C1QTNF3: variants seen among roughly 807,000 people sequenced by gnomAD.
C1QTNF3 encodes C1q and TNF related 3, also known as complement C1q tumor necrosis factor-related protein 3.
A neutral mutation model predicts 32.6 loss-of-function variants in C1QTNF3; 26 were observed. The observed-to-expected ratio is 0.80, with a 90% CI of 0.58 to 1.11. The LOEUF (loss-of-function observed/expected upper bound fraction) is 1.11. C1QTNF3 is among the 50% of genes least tolerant of loss of function. The pLI is 0.00. For synonymous variants in C1QTNF3, 155 were observed against 146.0 expected, an observed-to-expected ratio of 1.06 and a Z score of -0.44; for missense variants, 362 against 398.2, an observed-to-expected ratio of 0.91 and a Z score of 0.77.
At chr5:34,120,665 TTA>T in the C1QTNF3 span, among the ~76,000 whole-genome samples, 1 of 152,104 alleles carries the variant, frequency 6.6e-6, no homozygotes, top group African/African-American at 2.4e-5. Context: ...TCTGATGGTT[TTA>T]TAAAGAGGTG....
chr5:34,149,610 T>A, the C1QTNF3 span, among the ~76,000 whole-genome samples: 1 of 3,074 alleles, frequency 3.3e-4, no homozygotes, highest in Non-Finnish European at 5.1e-4. Context: ...CAAACTAAGC[T>A]TCATGAGTGA....
At chr5:34,219,708 A>G in the C1QTNF3 span, among the ~76,000 whole-genome samples, 1 of 152,152 alleles carries the variant, frequency 6.6e-6, no homozygotes, top group African/African-American at 2.4e-5. Flanking sequence ...TTTAACCAAT[A>G]TTTTGATAAA....
the C1QTNF3 span, among the ~76,000 whole-genome samples, chr5:34,147,965 G>A: frequency 6.6e-6 from 1 of 152,096 alleles, no homozygotes; most frequent in African/African-American, 2.4e-5. Flanking sequence ...TCACTAGGGA[G>A]TGCCAGACAG....
the C1QTNF3 span, among the ~76,000 whole-genome samples, chr5:34,211,247 T>A: frequency 1.3e-5 from 2 of 151,856 alleles, no homozygotes; most frequent in Admixed American, 6.6e-5. Flanking sequence ...CATATTCCCA[T>A]TGCTTAGTTT....
the C1QTNF3 span, among the ~76,000 whole-genome samples, chr5:34,083,480 T>C: frequency 6.8e-6 from 1 of 147,222 alleles, no homozygotes; most frequent in Non-Finnish European, 1.5e-5. Flanking sequence ...GTTTGTAATC[T>C]TACCTTGATT....
At chr5:34,052,741 T>A in the C1QTNF3 span, among the ~76,000 whole-genome samples, 10 of 152,318 alleles carry the variant, frequency 6.6e-5, no homozygotes, top group Non-Finnish European at 8.8e-5. Flanking sequence ...TTATTACAGC[T>A]CAGGGATTGG....
the C1QTNF3 span, among the ~76,000 whole-genome samples, chr5:34,236,181 A>G: frequency 3.3e-5 from 5 of 152,200 alleles, no homozygotes; most frequent in Non-Finnish European, 7.3e-5. Context: ...GTATATAAGA[A>G]TGAGAAATAT....
the C1QTNF3 span, among the ~76,000 whole-genome samples, chr5:34,162,119 G>A: frequency 6.6e-6 from 1 of 152,050 alleles, no homozygotes; most frequent in African/African-American, 2.4e-5. Context: ...TAGGGACTTA[G>A]TTCATTTTAT....
intron 3 of C1QTNF3, among the ~76,000 whole-genome samples, chr5:34,029,491 TG>T: frequency 6.6e-6 from 1 of 152,304 alleles, no homozygotes; most frequent in Non-Finnish European, 1.5e-5. Flanking sequence ...GAATTCTTGA[TG>T]CTGATCTAAA....
chr5:34,089,399 G>T, the C1QTNF3 span, among the ~76,000 whole-genome samples: 1 of 152,260 alleles, frequency 6.6e-6, no homozygotes, highest in East Asian at 1.9e-4. Flanking sequence ...CCTTTGAGAA[G>T]TGATTAGGTC....
the C1QTNF3 span, among the ~76,000 whole-genome samples, chr5:34,157,712 T>G: frequency 1.3e-5 from 2 of 152,202 alleles, no homozygotes; most frequent in Non-Finnish European, 2.9e-5. Context: ...GGAATGTCGA[T>G]AGCCTCTAGA....
the C1QTNF3 span, among the ~76,000 whole-genome samples, chr5:34,213,386 A>T: frequency 6.6e-6 from 1 of 152,096 alleles, no homozygotes; most frequent in Non-Finnish European, 1.5e-5. Context: ...TTTGTTGAGA[A>T]AAATCTGCAC....
At chr5:34,096,832 C>A in the C1QTNF3 span, among the ~76,000 whole-genome samples, 1 of 151,238 alleles carries the variant, frequency 6.6e-6, no homozygotes, top group East Asian at 1.9e-4. Context: ...GAACAAATAC[C>A]ACTCTTTGTT....
At chr5:34,034,529 T>C (rs560604596) in intron 2 of C1QTNF3, among the ~76,000 whole-genome samples, 1 of 152,390 alleles carries the variant, frequency 6.6e-6, no homozygotes, top group East Asian at 1.9e-4. Context: ...TAATATTTGC[T>C]AAATTTCAGG....
At chr5:34,078,544 T>C in the C1QTNF3 span, among the ~76,000 whole-genome samples, 1 of 151,556 alleles carries the variant, frequency 6.6e-6, no homozygotes, top group Non-Finnish European at 1.5e-5. The surrounding 1 kb of genome is among the most constrained non-coding windows in gnomAD (Gnocchi z 4.0). Context: ...GAGAATAGCA[T>C]GGGAGAAACC....
At chr5:34,139,179 T>C in the C1QTNF3 span, among the ~76,000 whole-genome samples, 2 of 151,956 alleles carry the variant, frequency 1.3e-5, no homozygotes, top group South Asian at 4.1e-4. Flanking sequence ...AATATGTGTG[T>C]ATATATACAC....
chr5:34,157,374 A>G, the C1QTNF3 span, among the ~76,000 whole-genome samples: 30 of 152,306 alleles, frequency 2.0e-4, no homozygotes, highest in Admixed American at 1.7e-3. Context: ...CAAAATCATT[A>G]TTGAGAAAGA....
chr5:34,160,541 C>A, the C1QTNF3 span, among the ~76,000 whole-genome samples: 1 of 152,100 alleles, frequency 6.6e-6, no homozygotes, highest in South Asian at 2.1e-4. Flanking sequence ...ACTGGGCTCC[C>A]TAAATTATAA....
the C1QTNF3 span, among the ~76,000 whole-genome samples, chr5:34,083,791 A>G: frequency 6.6e-6 from 1 of 151,796 alleles, no homozygotes. Context: ...GCATTATTTC[A>G]TTTACAATCA....
Sources: allele counts gnomAD v4.1 joint callset (sites outside exome capture counted in the v4.1 genomes callset), GRCh38; gene constraint gnomAD v4.1.1; non-coding constraint Gnocchi (gnomAD v3.1); transcripts MANE v1.5; gene names NCBI Gene and HGNC (gene_info 2026-07-23, HGNC 2026-07-21).